The following GSE1 variants were observed in gnomAD, a reference collection of about 807,000 sequenced individuals.
The protein encoded by GSE1 is genetic suppressor element 1.
GSE1 carries 32 observed loss-of-function variants against 112.6 expected under a neutral mutation model. The observed-to-expected ratio is 0.28, with a 90% confidence interval of 0.21 to 0.38. GSE1 has a LOEUF of 0.38. GSE1 is among the 10% of genes least tolerant of loss of function. The pLI is 1.00. For synonymous variants in GSE1, 1,115 were observed against 735.6 expected, an observed-to-expected ratio of 1.52 and a Z score of -8.35; for missense variants, 2,348 against 1,699.2, an observed-to-expected ratio of 1.38 and a Z score of -6.71.
At chr16:85,670,849 G>C in intron 14 of GSE1, 146 bp from the exon 15 acceptor site, 1 of 607,126 alleles carries the variant, frequency 1.6e-6, no homozygotes. Context: ...AGGGCTGGGA[G>C]CATTGTGGTC....
rs2053454042 is a variant in GSE1, at chr16:85,672,808, A to C, written c.*269A>C. ...AGGTGGTTTTCGCCCTTCCTCTCCCACATTATTTCTTAATCTGAACATGAA... is the reference window on the plus strand; with the variant it reads ...AGGTGGTTTTCGCCCTTCCTCTCCCCCATTATTTCTTAATCTGAACATGAA... On this transcript the variant is annotated 3_prime_UTR_variant, in exon 16 of 16. Coordinates refer to ENST00000253458, the MANE Select transcript of GSE1 (RefSeq NM_014615.5). The C allele has an allele frequency of 1.1e-5, 3 of 266,152 alleles. No homozygotes were observed. The highest frequency in any genetic ancestry group is 2.1e-5 in the Non-Finnish European group (3 of 139,576). The allele number at this position is 266,152 out of a possible 1,614,324, so 16.5% of individuals were successfully genotyped here.
intron 1 of GSE1, among the ~76,000 whole-genome samples, chr16:85,273,440 T>C (rs778657679): frequency 2.0e-5 from 3 of 152,178 alleles, no homozygotes; most frequent in Non-Finnish European, 4.4e-5. Context: ...AAACAACATG[T>C]GGCCTCTCCA....
chr16:85,369,164 A>C (rs1445607837), intron 2 of GSE1, among the ~76,000 whole-genome samples: 3 of 152,024 alleles, frequency 2.0e-5, no homozygotes, highest in Admixed American at 1.3e-4. Flanking sequence ...CTGTTCCCTC[A>C]TCTTTTCCCA....
intron 1 of GSE1, among the ~76,000 whole-genome samples, chr16:85,589,836 GTGTGAACATGTGTGAGATAT>G (rs1053336151): frequency 1.3e-5 from 2 of 151,554 alleles, no homozygotes; most frequent in Non-Finnish European, 2.9e-5. Context: ...GTGTGAATGT[GTGTGAACATGTGTGAGATAT>G]TGTGAACATG....
intron 1 of GSE1, among the ~76,000 whole-genome samples, chr16:85,236,223 T>C (rs4782694): frequency 0.45 from 67,823 of 151,998 alleles, 15,489 homozygotes; most frequent in Admixed American, 0.53. Context: ...AGGGAGAAAC[T>C]GAGGCCCGGA....
At chr16:85,305,605 C>T (rs1438522669) in intron 1 of GSE1, among the ~76,000 whole-genome samples, 7 of 152,194 alleles carry the variant, frequency 4.6e-5, no homozygotes, top group Middle Eastern at 6.8e-3. Flanking sequence ...CTCAGCCTCC[C>T]GAGTAGCTGG....
intron 2 of GSE1, among the ~76,000 whole-genome samples, chr16:85,427,067 T>C (rs560308877): frequency 1.4e-4 from 22 of 152,186 alleles, no homozygotes; most frequent in Middle Eastern, 3.4e-3. Context: ...AGACCTCACA[T>C]TGGGAACAGG....
At chr16:85,615,326 C>T (rs1056093949) in intron 1 of GSE1, among the ~76,000 whole-genome samples, 2 of 152,212 alleles carry the variant, frequency 1.3e-5, no homozygotes, top group African/African-American at 4.8e-5. Flanking sequence ...GAGGCCCTGG[C>T]CTGCGAGAGC....
chr16:85,554,183 A>C (rs922774050), upstream of GSE1, among the ~76,000 whole-genome samples: 1 of 151,994 alleles, frequency 6.6e-6, no homozygotes, highest in Non-Finnish European at 1.5e-5. Flanking sequence ...ACGTGGGTAA[A>C]TGGATCCTGT....
intron 2 of GSE1, among the ~76,000 whole-genome samples, chr16:85,647,856 A>G (rs985692919): frequency 6.6e-6 from 1 of 152,098 alleles, no homozygotes; most frequent in Non-Finnish European, 1.5e-5. Context: ...AAGTGCTGGG[A>G]TTACAGGCGG....
intron 1 of GSE1, among the ~76,000 whole-genome samples, chr16:85,180,524 G>C (rs1168821568): frequency 6.6e-6 from 1 of 152,268 alleles, no homozygotes; most frequent in Non-Finnish European, 1.5e-5. Flanking sequence ...TTGATAGCAT[G>C]CGCCTGGTGC....
chr16:85,463,104 T>G (rs908964716), intron 2 of GSE1: 1 of 985,000 alleles, frequency 1.0e-6, no homozygotes, highest in Admixed American at 6.2e-5. Context: ...GAAGACCTGG[T>G]CGTCTCTGCT....
At chr16:85,516,586 CAAAA>C (rs35709045) in intron 2 of GSE1, among the ~76,000 whole-genome samples, 6 of 80,468 alleles carry the variant, frequency 7.5e-5, no homozygotes, top group Non-Finnish European at 1.3e-4. Context: ...GACCCTGTCT[CAAAA>C]AAAAAAAAAA....
At chr16:85,618,647 G>A (rs981133969) in intron 1 of GSE1, among the ~76,000 whole-genome samples, 11 of 152,322 alleles carry the variant, frequency 7.2e-5, no homozygotes, top group Middle Eastern at 3.4e-3. Context: ...AAAGCCTTGC[G>A]GCTACTCCTG....
intron 1 of GSE1, among the ~76,000 whole-genome samples, chr16:85,564,788 G>GGT (rs2151301033): frequency 6.6e-6 from 1 of 152,336 alleles, no homozygotes; most frequent in Non-Finnish European, 1.5e-5. Context: ...AGGGGTAGCT[G>GGT]TGCCTGTCAA....
chr16:85,389,992 A>T (rs1316618849), intron 2 of GSE1, among the ~76,000 whole-genome samples: 1 of 152,162 alleles, frequency 6.6e-6, no homozygotes, highest in East Asian at 1.9e-4. Flanking sequence ...GAAGCTTGAG[A>T]AGGGACAGAG....
At chr16:85,400,706 G>T (rs1371219927) in intron 2 of GSE1, among the ~76,000 whole-genome samples, 1 of 151,014 alleles carries the variant, frequency 6.6e-6, no homozygotes, top group Non-Finnish European at 1.5e-5. Context: ...TGTATGTGTT[G>T]TATGTGTCTG....
intron 1 of GSE1, among the ~76,000 whole-genome samples, chr16:85,206,942 G>A (rs543985810): frequency 6.6e-6 from 1 of 152,258 alleles, no homozygotes; most frequent in African/African-American, 2.4e-5. Flanking sequence ...TGGCCAAGAG[G>A]AGAGAGACTG....
In GSE1 at chr16:85,192,366, C is replaced by G. The variant is rs536747752; in HGVS notation, c.2283+20559C>G. On this transcript the variant is annotated intron_variant, in intron 1 of 2. Coordinates refer to the GSE1 transcript ENST00000637419. ...TCTGTAAAGGTTAATAGCCATATGT[C>G]TATTGGAAGGTTGTTTCAAAGGTTA... 7.9e-5 allele frequency among the ~76,000 whole-genome samples: 12 copies of G among 152,358 alleles called. No individual in the cohort carries two copies. In the East Asian group the frequency reaches 2.3e-3, roughly 29 times the overall value.
Sources: allele counts gnomAD v4.1 joint callset (sites outside exome capture counted in the v4.1 genomes callset), GRCh38; gene constraint gnomAD v4.1.1; transcripts MANE v1.5; gene names NCBI Gene and HGNC (gene_info 2026-07-23, HGNC 2026-07-21).